Variants in CRISP1 observed in about 807,000 individuals in gnomAD.
CRISP1 encodes the protein cysteine-rich secretory protein 1.
In CRISP1, 44 loss-of-function variants were observed where a neutral mutation model predicts 33.1. That is an observed-to-expected ratio of 1.33 (90% CI 1.05 to 1.71). The LOEUF is 1.71. CRISP1 is among the 40% of genes most tolerant of loss of function. CRISP1 has a pLI of 0.00. For missense variants in CRISP1, 390 were observed against 301.2 expected (o/e 1.29, Z -2.18); for synonymous variants, 103 against 98.7 (o/e 1.04, Z -0.26).
intron 7 of CRISP1, among the ~76,000 whole-genome samples, chr6:49,836,301 T>G (rs563066250): frequency 6.6e-6 from 1 of 152,082 alleles, no homozygotes; most frequent in South Asian, 2.1e-4. Context: ...TGCATGAAAT[T>G]TATAACAATC....
At chr6:49,850,611 GA>G (rs1215885633) in intron 3 of CRISP1, among the ~76,000 whole-genome samples, 2 of 151,932 alleles carry the variant, frequency 1.3e-5, no homozygotes, top group African/African-American at 4.8e-5. Context: ...ATTGTTTGTG[GA>G]GCAGCTGAAC....
At chr6:49,847,052 T>G (rs1771199291) in intron 4 of CRISP1, among the ~76,000 whole-genome samples, 1 of 152,096 alleles carries the variant, frequency 6.6e-6, no homozygotes, top group African/African-American at 2.4e-5. Context: ...AAACATTTGT[T>G]TATTTAGCCA....
intron 6 of CRISP1, among the ~76,000 whole-genome samples, chr6:49,839,426 G>A (rs1029384908): frequency 9.2e-5 from 14 of 151,984 alleles, no homozygotes; most frequent in Non-Finnish European, 1.9e-4. Context: ...ACTCCAGCCT[G>A]GGTGACAGAA....
chr6:49,866,518 A>G lies in CRISP1; in HGVS notation c.-92T>C, dbSNP rs1771801229. ...TTTGTGCTTTTAAATGACAGTCCAC[A>G]GGGGAGATTTGTTCAATGAGGTAGT... On this transcript the variant is annotated 5_prime_UTR_variant, in exon 1 of 8. Transcript: ENST00000335847. 1 of 152,144 alleles carries G rather than the reference A, an allele frequency of 6.6e-6. No homozygotes were observed. The allele number at this position is 152,144 out of a possible 1,614,324, so 9.4% of individuals were successfully genotyped here.
In CRISP1 at chr6:49,838,515, G is replaced by T; in HGVS notation, c.544C>A (p.Pro182Thr). 2.5e-6 allele frequency: 4 copies of T among 1,611,244 alleles called. No homozygotes were observed. The highest frequency in any genetic ancestry group is 3.4e-6 in the Non-Finnish European group (4 of 1,178,718). ...VCHYCHEGND[P>T]ETKNEPYKTG... ...TTATAAGGTTCATTCTTTGTTTCAG[G>T]ATCATTTCCCCTTGAATAAAAAAAA... Residue 182 changes from proline (P) to threonine (T), a missense_variant, in exon 7 of 8, where the codon CCT (proline) becomes ACT (threonine). Pro to Thr is a conservative substitution (Grantham distance 38). Coordinates refer to ENST00000335847, the MANE Select transcript of CRISP1 (RefSeq NM_001131.3).
intron 7 of CRISP1, among the ~76,000 whole-genome samples, chr6:49,836,403 T>G (rs1366217100): frequency 6.6e-6 from 1 of 151,504 alleles, no homozygotes; most frequent in African/African-American, 2.4e-5. Context: ...TGGTGCAATC[T>G]CGGCTCACTG....
chr6:49,856,230 C>T (rs1489429256), intron 2 of CRISP1, among the ~76,000 whole-genome samples: 1 of 152,116 alleles, frequency 6.6e-6, no homozygotes, highest in Non-Finnish European at 1.5e-5. Flanking sequence ...CAGAACTTGG[C>T]CTAAGTGGTC....
At chr6:49,851,284 G>A (rs369306354) in intron 3 of CRISP1, among the ~76,000 whole-genome samples, 103 of 152,200 alleles carry the variant, frequency 6.8e-4, no homozygotes, top group East Asian at 2.5e-3. Flanking sequence ...GCTACAGGCC[G>A]GTCCAGGGTT....
chr6:49,854,655 C>G, intron 2 of CRISP1, among the ~76,000 whole-genome samples: 1 of 152,194 alleles, frequency 6.6e-6, no homozygotes, highest in South Asian at 2.1e-4. Flanking sequence ...GAAAATATCG[C>G]CAACTCTGGC....
chr6:49,843,898 A>G (rs1208909507), intron 5 of CRISP1, among the ~76,000 whole-genome samples: 5 of 152,146 alleles, frequency 3.3e-5, no homozygotes, highest in Non-Finnish European at 7.4e-5. Context: ...CAAAGTAGCA[A>G]ACAAAATGGC....
intron 7 of CRISP1, among the ~76,000 whole-genome samples, chr6:49,836,074 A>G (rs1770781317): frequency 6.6e-6 from 1 of 152,160 alleles, no homozygotes; most frequent in African/African-American, 2.4e-5. Context: ...AATAGCACCA[A>G]AAAGCTTACC....
At chr6:49,855,064 TA>T (rs992344488) in intron 2 of CRISP1, among the ~76,000 whole-genome samples, 19 of 152,144 alleles carry the variant, frequency 1.2e-4, no homozygotes, top group Admixed American at 1.2e-3. Context: ...CTCTTTTGAC[TA>T]AACTTTCAGT....
chr6:49,876,340 C>A (rs1463460191), intron 1 of CRISP1, among the ~76,000 whole-genome samples: 1 of 152,042 alleles, frequency 6.6e-6, no homozygotes, highest in African/African-American at 2.4e-5. Flanking sequence ...CAATGAAATA[C>A]CATCTCACTC....
intron 7 of CRISP1, among the ~76,000 whole-genome samples, chr6:49,837,212 T>C (rs990330008): frequency 1.3e-5 from 2 of 152,194 alleles, no homozygotes; most frequent in South Asian, 2.1e-4. Context: ...AGTTCATATA[T>C]TCCTTTAATA....
chr6:49,872,191 A>T lies in CRISP1; in HGVS notation c.-3+4818T>A, dbSNP rs187687503. 2.8e-4 allele frequency among the ~76,000 whole-genome samples: 42 copies of T among 152,280 alleles called. No homozygotes were observed. The East Asian group carries it at 6.9e-3, about 25-fold the overall frequency. On this transcript the variant is annotated intron_variant, in intron 1 of 7. Transcript: ENST00000505118. ...TTTCATGTGTCTTTGGGCTGCATAA[A>T]TGTCTTCTTTTGAGAAGTGTCTGTT...
chr6:49,858,518 C>T (rs1328160913), intron 1 of CRISP1, among the ~76,000 whole-genome samples: 1 of 152,222 alleles, frequency 6.6e-6, no homozygotes. Context: ...CACGTTTCCC[C>T]TGCTGACTGC....
intron 1 of CRISP1, among the ~76,000 whole-genome samples, chr6:49,858,533 C>T (rs1771556190): frequency 6.6e-6 from 1 of 152,202 alleles, no homozygotes; most frequent in Non-Finnish European, 1.5e-5. Flanking sequence ...GACTGCCAGA[C>T]ATGCTCAATA....
At chr6:49,871,801 G>A (rs1441097091) in intron 1 of CRISP1, among the ~76,000 whole-genome samples, 1 of 152,052 alleles carries the variant, frequency 6.6e-6, no homozygotes, top group Admixed American at 6.6e-5. Context: ...GTCTATCGTT[G>A]TTGGACATTT....
At chr6:49,871,454 A>C (rs1350658886), upstream of CRISP1, among the ~76,000 whole-genome samples, 1 of 152,060 alleles carries the variant, frequency 6.6e-6, no homozygotes, top group Non-Finnish European at 1.5e-5. Flanking sequence ...TCTAAGTCCA[A>C]CCCACCATAC....
Sources: allele counts gnomAD v4.1 joint callset (sites outside exome capture counted in the v4.1 genomes callset), GRCh38; gene constraint gnomAD v4.1.1; transcripts MANE v1.5; gene names NCBI Gene and HGNC (gene_info 2026-07-23, HGNC 2026-07-21).